CLMP: variants seen among roughly 807,000 people sequenced by gnomAD.
CLMP encodes CXADR like cell adhesion molecule.
Under a neutral mutation model 45.2 loss-of-function variants are expected in CLMP, and 27 were observed. The observed-to-expected ratio is 0.60, with a 90% confidence interval of 0.44 to 0.82. CLMP has a LOEUF of 0.82. Among genes scored for constraint, CLMP ranks in the 40% least tolerant of loss-of-function variants. The pLI, the probability that CLMP is intolerant of heterozygous loss-of-function variation, is 0.00. For missense variants in CLMP, 403 were observed against 448.4 expected, an observed-to-expected ratio of 0.90 and a Z score of 0.91; for synonymous variants, 167 against 171.4, an observed-to-expected ratio of 0.97 and a Z score of 0.20.
chr11:123,167,146 T>G (rs552611113), intron 1 of CLMP, among the ~76,000 whole-genome samples: 32 of 152,202 alleles, frequency 2.1e-4, no homozygotes, highest in Non-Finnish European at 3.5e-4. Context: ...AATAATCTTA[T>G]AGATCACTCT....
At chr11:123,167,013 A>G (rs922760129) in intron 1 of CLMP, among the ~76,000 whole-genome samples, 1 of 152,200 alleles carries the variant, frequency 6.6e-6, no homozygotes, top group Admixed American at 6.5e-5. Flanking sequence ...GAGTGTAGTA[A>G]TCAATCATTA....
At chr11:123,185,576 G>C (rs1031647120) in intron 1 of CLMP, among the ~76,000 whole-genome samples, 1 of 152,206 alleles carries the variant, frequency 6.6e-6, no homozygotes, top group Admixed American at 6.5e-5. Flanking sequence ...TGGGGATGGA[G>C]CGGAGGCAAG....
intron 5 of CLMP, among the ~76,000 whole-genome samples, chr11:123,078,903 C>T (rs1865770698): frequency 6.6e-6 from 1 of 152,130 alleles, no homozygotes; most frequent in African/African-American, 2.4e-5. Flanking sequence ...CTCGGCCTCC[C>T]AAAGTGCTGG....
chr11:123,150,416 T>TAAGAAAGAAAGAAAGAAAGA lies in CLMP; in HGVS notation c.28+44477_28+44496dup, dbSNP rs1166159977. ...AGATGAACAAAAGAAGGAAGGAAGGTAAGAAAGAAAGAAAGAAAGAAAGAA... is the reference window on the plus strand; with the variant it reads ...AGATGAACAAAAGAAGGAAGGAAGGTAAGAAAGAAAGAAAGAAAGAAAGAAAGAAAGAAAGAAAGAAAGAA... On this transcript the variant is annotated intron_variant, in intron 1 of 6. Transcript: ENST00000448775. 3.0e-3 allele frequency among the ~76,000 whole-genome samples: 94 copies of TAAGAAAGAAAGAAAGAAAGA among 30,926 alleles called. 2 individuals carry two copies. The highest frequency in any genetic ancestry group is 0.028 in the Middle Eastern group (1 of 36). The allele number at this position is 30,926 out of a possible 152,430, so 20.3% of individuals were successfully genotyped here. A position where few individuals can be genotyped will look rare whatever the true frequency, so the allele number is the denominator to read the frequency against.
chr11:123,150,474 AGAAAGAAAGGAAGG>A (rs1861305525), intron 1 of CLMP, among the ~76,000 whole-genome samples: 1 of 103,792 alleles, frequency 9.6e-6, no homozygotes, highest in Non-Finnish European at 2.1e-5. Flanking sequence ...AAAGAAAGAA[AGAAAGAAAGGAAGG>A]AAGGAAGGAA....
chr11:123,184,810 G>C (rs920611832), intron 1 of CLMP, among the ~76,000 whole-genome samples: 1 of 152,216 alleles, frequency 6.6e-6, no homozygotes, highest in African/African-American at 2.4e-5. Flanking sequence ...TCATACATTT[G>C]TTTGTTCCCT....
intron 1 of CLMP, among the ~76,000 whole-genome samples, chr11:123,129,606 T>A (rs143420103): frequency 0.13 from 18,866 of 140,610 alleles, 1,601 homozygotes; most frequent in African/African-American, 0.22. Flanking sequence ...GTATATAATA[T>A]ATATTATATT....
chr11:123,087,310 CTG>C (rs1461737849), intron 2 of CLMP, among the ~76,000 whole-genome samples: 3 of 151,734 alleles, frequency 2.0e-5, no homozygotes, highest in Non-Finnish European at 4.4e-5. Flanking sequence ...GCACTGCAGT[CTG>C]AGCAACAAGA....
intron 5 of CLMP, among the ~76,000 whole-genome samples, chr11:123,075,638 C>T (rs1013825593): frequency 8.6e-5 from 13 of 151,894 alleles, no homozygotes; most frequent in Non-Finnish European, 1.2e-4. Flanking sequence ...CCGCCCTCCT[C>T]GTTCTCCCAA....
intron 5 of CLMP, among the ~76,000 whole-genome samples, chr11:123,075,621 T>C (rs1415445817): frequency 6.6e-6 from 1 of 150,738 alleles, no homozygotes; most frequent in Middle Eastern, 3.7e-3. Flanking sequence ...CCTCCTGACC[T>C]CGTGATCCGC....
chr11:123,182,496 G>A (rs1861782531), intron 1 of CLMP, among the ~76,000 whole-genome samples: 1 of 152,170 alleles, frequency 6.6e-6, no homozygotes, highest in Non-Finnish European at 1.5e-5. Flanking sequence ...GCATCAAACA[G>A]GAAAACATGT....
At chr11:123,112,907 G>A (rs1860660534) in intron 1 of CLMP, among the ~76,000 whole-genome samples, 1 of 151,574 alleles carries the variant, frequency 6.6e-6, no homozygotes, top group Non-Finnish European at 1.5e-5. Context: ...CTGCATAGCT[G>A]GGACTACAGG....
chr11:123,091,116 C>G (rs957541118), intron 2 of CLMP, among the ~76,000 whole-genome samples: 19 of 151,612 alleles, frequency 1.3e-4, no homozygotes, highest in African/African-American at 4.6e-4. Flanking sequence ...TCCTTTCTTT[C>G]TTTTTTGAGA....
intron 1 of CLMP, among the ~76,000 whole-genome samples, chr11:123,109,375 G>T (rs963996565): frequency 1.3e-5 from 2 of 149,494 alleles, no homozygotes; most frequent in Non-Finnish European, 3.0e-5. Flanking sequence ...ATCGATCTGA[G>T]CCCGTGAGAG....
intron 1 of CLMP, among the ~76,000 whole-genome samples, chr11:123,149,158 G>GTT (rs1380165647): frequency 3.3e-5 from 5 of 152,154 alleles, no homozygotes; most frequent in African/African-American, 1.2e-4. Context: ...CATGCCACGT[G>GTT]TTCATCTGCA....
chr11:123,106,661 A>G (rs79741699), intron 1 of CLMP, among the ~76,000 whole-genome samples: 11,882 of 152,206 alleles, frequency 0.078, 511 homozygotes, highest in African/African-American at 0.12. Flanking sequence ...CATATGATGC[A>G]TGAAAGTGTC....
chr11:123,148,065 C>G (rs1861264608), intron 1 of CLMP, among the ~76,000 whole-genome samples: 1 of 152,158 alleles, frequency 6.6e-6, no homozygotes, highest in African/African-American at 2.4e-5. Flanking sequence ...CTTTCCATAC[C>G]TGAACACCCC....
intron 1 of CLMP, among the ~76,000 whole-genome samples, chr11:123,112,220 A>G (rs4936777): frequency 0.23 from 34,647 of 152,124 alleles, 4,474 homozygotes; most frequent in African/African-American, 0.34. Flanking sequence ...GTAAATTACG[A>G]AACCCTGGAA....
At chr11:123,185,613 G>T (rs970198774) in intron 1 of CLMP, among the ~76,000 whole-genome samples, 1 of 152,208 alleles carries the variant, frequency 6.6e-6, no homozygotes, top group African/African-American at 2.4e-5. Flanking sequence ...CTTCCCTATT[G>T]GTGGGAGTGG....
Sources: gnomAD v4.1 joint callset for allele counts (sites outside exome capture counted in the v4.1 genomes callset) on GRCh38, gnomAD v4.1.1 for gene constraint, MANE v1.5 for transcripts, NCBI Gene and HGNC (gene_info 2026-07-23, HGNC 2026-07-21) for gene names.